Variants in PSMA8 observed in about 807,000 individuals in gnomAD.
The protein encoded by PSMA8 is proteasome 20S subunit alpha 8.
A neutral mutation model predicts 32.4 loss-of-function variants in PSMA8; 18 were observed. That is an observed-to-expected ratio of 0.56 (90% CI 0.38 to 0.82). The LOEUF is 0.82. Among genes scored for constraint, PSMA8 ranks in the 40% least tolerant of loss-of-function variants. The probability of loss-of-function intolerance (pLI) is 0.00; values close to 1 mark genes in which losing one functional copy is unlikely to be tolerated. For missense variants in PSMA8, 298 were observed against 300.7 expected, an observed-to-expected ratio of 0.99 and a Z score of 0.07; for synonymous variants, 104 against 98.1, an observed-to-expected ratio of 1.06 and a Z score of -0.36.
At chr18:26,156,853 C>A (rs2055093785) in intron 3 of PSMA8, among the ~76,000 whole-genome samples, 1 of 151,302 alleles carries the variant, frequency 6.6e-6, no homozygotes, top group African/African-American at 2.4e-5. Context: ...GTGGCATGAT[C>A]TCGTCTCACT....
intron 3 of PSMA8, among the ~76,000 whole-genome samples, chr18:26,157,124 A>G (rs547145061): frequency 6.6e-4 from 101 of 151,976 alleles, no homozygotes; most frequent in Non-Finnish European, 1.1e-3. Flanking sequence ...ATATAATAAA[A>G]TTGGAAAATA....
chr18:26,171,504 C>T (rs1372187681), intron 4 of PSMA8, among the ~76,000 whole-genome samples: 1 of 152,148 alleles, frequency 6.6e-6, no homozygotes, highest in East Asian at 1.9e-4. Flanking sequence ...GAGGCCGAAG[C>T]GGGTGGATCA....
chr18:26,166,269 T>G lies in PSMA8; in HGVS notation c.477+8025T>G, dbSNP rs981442783. Reference sequence around the variant, plus strand: ...AAGTGGCAGATTTCAAAATGTGATCTGCAAATCCCTGACCCATTAGGTAAA... The same window carrying G: ...AAGTGGCAGATTTCAAAATGTGATCGGCAAATCCCTGACCCATTAGGTAAA... On this transcript the variant is annotated intron_variant, in intron 4 of 6. Transcript: ENST00000415576. Among the ~76,000 whole-genome samples the G allele has an allele frequency of 2.6e-5, 4 of 152,304 alleles. No individual in the cohort carries two copies. The East Asian group carries it at 7.7e-4, about 29-fold the overall frequency.
intron 2 of PSMA8, among the ~76,000 whole-genome samples, chr18:26,148,087 A>G (rs1450421797): frequency 1.3e-5 from 2 of 152,180 alleles, no homozygotes; most frequent in Non-Finnish European, 2.9e-5. Context: ...AGTGAATCCT[A>G]CCAAACATTT....
chr18:26,161,375 C>T (rs1199981650), intron 4 of PSMA8, among the ~76,000 whole-genome samples: 1 of 152,184 alleles, frequency 6.6e-6, no homozygotes, highest in Non-Finnish European at 1.5e-5. Context: ...GAACAGAACC[C>T]TATCCCTGTA....
chr18:26,144,618 G>T lies in PSMA8; in HGVS notation c.162G>T (p.Lys54Asn). The change falls in exon 2 of 7, where the codon AAG (lysine) becomes AAT (asparagine). Residue 54 changes from lysine (K) to asparagine (N), a missense_variant. By Grantham distance (94) the Lys-to-Asn change is moderately conservative (BLOSUM62 0). Coordinates refer to ENST00000415576, the MANE Select transcript of PSMA8 (RefSeq NM_001025096.2). ...GGGTAGAAAAAAAATCTGTTGCCAA[G>T]CTTCAAGATGAAAGAACTGTGAGGA... is the stretch of plus-strand genomic sequence containing the variant. Reference protein sequence around the residue: ...VLGVEKKSVAKLQDERTVRKI... With the variant: ...VLGVEKKSVANLQDERTVRKI... 6.2e-7 allele frequency: 1 copy of T among 1,613,824 alleles called. No homozygotes were observed. Among genetic ancestry groups the T allele is most frequent in the South Asian group, 1.1e-5 (1 of 91,066 alleles).
chr18:26,134,013 A>G lies in PSMA8; in HGVS notation c.48A>G (p.Gly16=), dbSNP rs762142691. ...CGATCACTGTCTTCTCCCCAGACGG[A>G]CACCTTTTTCAAGTTGAATATGCCC... ...DRAITVFSPD[G]HLFQVEYAQE... Residue 16 remains glycine, a synonymous_variant, in exon 1 of 7, where the codon GGA becomes GGG. Transcript: ENST00000415576. 5 of 1,614,086 alleles carry G rather than the reference A, an allele frequency of 3.1e-6. No homozygotes were observed. Among genetic ancestry groups the G allele is most frequent in the Non-Finnish European group, 4.2e-6 (5 of 1,179,998 alleles).
intron 4 of PSMA8, among the ~76,000 whole-genome samples, chr18:26,166,496 A>C (rs565091419): frequency 4.6e-5 from 7 of 152,328 alleles, no homozygotes; most frequent in Middle Eastern, 3.4e-3. Flanking sequence ...CTTTTTGATG[A>C]AACCATAAAG....
intron 2 of PSMA8, among the ~76,000 whole-genome samples, chr18:26,147,367 A>G (rs2055012404): frequency 1.3e-5 from 2 of 152,190 alleles, no homozygotes; most frequent in Non-Finnish European, 2.9e-5. Flanking sequence ...TGGGGCAATG[A>G]AAAAAATCAC....
At position 26,181,235 on chromosome 18, in the gene PSMA8, G is replaced by A. The variant is rs180810280; in HGVS notation, c.660+2105G>A. 6.6e-5 allele frequency among the ~76,000 whole-genome samples: 10 copies of A among 152,102 alleles called. No individual in the cohort carries two copies. In the East Asian group the frequency reaches 1.4e-3, roughly 21 times the overall value. On this transcript the variant is annotated intron_variant, in intron 6 of 6. Coordinates refer to ENST00000415576, the MANE Select transcript of PSMA8 (RefSeq NM_001025096.2). The stretch of plus-strand genomic sequence containing the variant: ...AGTGACAATGTAATTATTATATAAC[G>A]GTGATCTGTGATCAATGATCTTTGA...
chr18:26,162,808 G>A (rs1183778485), intron 4 of PSMA8, among the ~76,000 whole-genome samples: 1 of 152,120 alleles, frequency 6.6e-6, no homozygotes, highest in Admixed American at 6.5e-5. Flanking sequence ...GGAGCTTGCA[G>A]TGAGCTGAGA....
At chr18:26,140,022 A>G in intron 1 of PSMA8, 1 of 702,596 alleles carries the variant, frequency 1.4e-6, no homozygotes, top group Non-Finnish European at 2.6e-6. Context: ...AGATCTCCAT[A>G]CTTTATTTTC....
intron 4 of PSMA8, among the ~76,000 whole-genome samples, chr18:26,168,496 T>G (rs1407362101): frequency 7.9e-6 from 1 of 125,834 alleles, no homozygotes; most frequent in Non-Finnish European, 1.5e-5. Flanking sequence ...TTGTTTTTTT[T>G]TTTTTTTTTT....
chr18:26,166,415 G>T (rs562899509), intron 4 of PSMA8, among the ~76,000 whole-genome samples: 119 of 152,252 alleles, frequency 7.8e-4, no homozygotes, highest in African/African-American at 2.8e-3. Context: ...AACTGTGTTA[G>T]CTCTCATTTT....
At chr18:26,182,022 A>G (rs2055316128) in intron 6 of PSMA8, among the ~76,000 whole-genome samples, 1 of 152,126 alleles carries the variant, frequency 6.6e-6, no homozygotes, top group Non-Finnish European at 1.5e-5. Context: ...GCCAAAGCCT[A>G]ATCCAGAGCA....
intron 4 of PSMA8, chr18:26,170,610 G>A (rs2055212787): frequency 1.4e-6 from 1 of 710,916 alleles, no homozygotes; most frequent in Non-Finnish European, 2.2e-6. Context: ...ATAAAAACTA[G>A]TTGCTTAGAA....
In PSMA8 at chr18:26,188,606, T is replaced by C. The variant is rs915387755; in HGVS notation, c.661-3713T>C. Reference sequence around the variant, plus strand: ...GACTTCAAATTATGCTACAGAGCTATGGTAACCAAAGCAGCATGGTTCTGG... The same window carrying C: ...GACTTCAAATTATGCTACAGAGCTACGGTAACCAAAGCAGCATGGTTCTGG... On this transcript the variant is annotated intron_variant, in intron 6 of 6. Coordinates refer to ENST00000415576, the MANE Select transcript of PSMA8 (RefSeq NM_001025096.2). 6.6e-5 allele frequency among the ~76,000 whole-genome samples: 10 copies of C among 152,148 alleles called. No individual in the cohort carries two copies. In the South Asian group the frequency reaches 8.3e-4, roughly 13 times the overall value.
chr18:26,174,903 T>C (rs935431072), intron 4 of PSMA8, among the ~76,000 whole-genome samples: 11 of 152,240 alleles, frequency 7.2e-5, no homozygotes, highest in African/African-American at 2.7e-4. Flanking sequence ...CCAAGATTAC[T>C]TGAACGTAGA....
chr18:26,164,944 ATCTC>A (rs1340861549), intron 4 of PSMA8, among the ~76,000 whole-genome samples: 1 of 151,582 alleles, frequency 6.6e-6, no homozygotes, highest in Non-Finnish European at 1.5e-5. Context: ...TTGAGACGGA[ATCTC>A]TCTCTGTCAC....
Sources: allele counts gnomAD v4.1 joint callset (sites outside exome capture counted in the v4.1 genomes callset), GRCh38; gene constraint gnomAD v4.1.1; transcripts MANE v1.5; gene names NCBI Gene and HGNC (gene_info 2026-07-23, HGNC 2026-07-21).